Variants in NEGR1 observed in about 807,000 individuals in gnomAD.
NEGR1 encodes the protein neuronal growth regulator 1, also known as IgLON family member 4.
In NEGR1, 10 loss-of-function variants were observed where a neutral mutation model predicts 40.9. The observed-to-expected ratio is 0.24, with a 90% CI of 0.15 to 0.42. The LOEUF is 0.42. NEGR1 is among the 10% of genes least tolerant of loss of function. The pLI is 1.00. For missense variants in NEGR1, 352 were observed against 438.9 expected (o/e 0.80, Z 1.77); for synonymous variants, 185 against 166.8 (o/e 1.11, Z -0.84).
chr1:71,446,013 G>A (rs1646579780), intron 6 of NEGR1, among the ~76,000 whole-genome samples: 1 of 152,126 alleles, frequency 6.6e-6, no homozygotes, highest in Non-Finnish European at 1.5e-5. Flanking sequence ...TTAAGAAATT[G>A]TCAAAAGGAC....
In NEGR1 at chr1:71,935,224, A is replaced by G. The variant is rs1262711173; in HGVS notation, c.264T>C (p.Asp88=). 6.2e-7 allele frequency: 1 copy of G among 1,613,824 alleles called. No individual in the cohort carries two copies. Among genetic ancestry groups the G allele is most frequent in the Non-Finnish European group, 8.5e-7 (1 of 1,179,884 alleles). Residue 88 remains aspartate (D), a synonymous_variant, in exon 2 of 7, where the codon GAT becomes GAC. Transcript: ENST00000357731. The part of the protein sequence containing the change: ...IFAGGDKWSV[D]PRVSISTLNK... ...TCAATGTTGAAATTGAAACTCGAGG[A>G]TCCACTGACCACTTATCACCTCCCG...
intron 6 of NEGR1, among the ~76,000 whole-genome samples, chr1:71,506,891 A>C (rs1241462065): frequency 6.6e-6 from 1 of 152,226 alleles, no homozygotes; most frequent in Admixed American, 6.5e-5. Context: ...TAAATTACCT[A>C]ATGGCTAGTC....
chr1:71,486,352 C>T (rs1204174096), intron 6 of NEGR1: 2 of 151,254 alleles, frequency 1.3e-5, no homozygotes, highest in Non-Finnish European at 3.0e-5. Context: ...AACATTCCTT[C>T]CTCTGATGTC....
chr1:71,901,159 A>G (rs112215814), intron 2 of NEGR1, among the ~76,000 whole-genome samples: 2,322 of 152,290 alleles, frequency 0.015, 28 homozygotes, highest in Middle Eastern at 0.041. Flanking sequence ...CATTCTATCA[A>G]TGCATGATTA....
At chr1:71,585,734 T>C (rs530943146) in intron 6 of NEGR1, among the ~76,000 whole-genome samples, 1 of 150,862 alleles carries the variant, frequency 6.6e-6, no homozygotes, top group Non-Finnish European at 1.5e-5. Context: ...TGAATGCTTA[T>C]GTGCATGGCT....
chr1:72,002,010 T>G (rs576728321), intron 1 of NEGR1, among the ~76,000 whole-genome samples: 1 of 152,224 alleles, frequency 6.6e-6, no homozygotes, highest in South Asian at 2.1e-4. Context: ...AAATCAAATT[T>G]TTGCTTTTGA....
At chr1:71,698,418 A>G (rs1326284229) in intron 3 of NEGR1, among the ~76,000 whole-genome samples, 5 of 151,866 alleles carry the variant, frequency 3.3e-5, no homozygotes. Context: ...CATCAAATAG[A>G]CTCTGCACAT....
At chr1:71,485,569 A>C (rs762397996) in intron 6 of NEGR1, among the ~76,000 whole-genome samples, 69 of 151,580 alleles carry the variant, frequency 4.6e-4, no homozygotes, top group South Asian at 8.3e-4. Flanking sequence ...ATTGTCCCCA[A>C]ATTCTCTGTG....
At chr1:71,803,594 C>A (rs1657641021) in intron 2 of NEGR1, among the ~76,000 whole-genome samples, 1 of 152,140 alleles carries the variant, frequency 6.6e-6, no homozygotes, top group Admixed American at 6.6e-5. Flanking sequence ...TTTCATTTAT[C>A]TGGACTCTCC....
At chr1:71,860,569 T>C (rs763454276) in intron 2 of NEGR1, among the ~76,000 whole-genome samples, 2 of 151,942 alleles carry the variant, frequency 1.3e-5, no homozygotes, top group Non-Finnish European at 2.9e-5. Context: ...ATATTAGAAG[T>C]CAGATTATCA....
chr1:72,032,718 C>T (rs1557492838), intron 1 of NEGR1, among the ~76,000 whole-genome samples: 1 of 152,148 alleles, frequency 6.6e-6, no homozygotes, highest in South Asian at 2.1e-4. Context: ...CTCTAACATA[C>T]ATCTTCATCA....
At chr1:71,747,084 T>C (rs1487905077) in intron 3 of NEGR1, among the ~76,000 whole-genome samples, 1 of 152,210 alleles carries the variant, frequency 6.6e-6, no homozygotes, top group Non-Finnish European at 1.5e-5. Flanking sequence ...GAGGCTATCT[T>C]ACTTATGACT....
chr1:71,845,176 A>C (rs2101806173), intron 2 of NEGR1, among the ~76,000 whole-genome samples: 1 of 152,294 alleles, frequency 6.6e-6, no homozygotes, highest in South Asian at 2.1e-4. Context: ...ATTTCTACAT[A>C]GCGCTCAGAG....
intron 1 of NEGR1, among the ~76,000 whole-genome samples, chr1:71,979,427 T>G (rs1006316351): frequency 6.6e-6 from 1 of 152,022 alleles, no homozygotes; most frequent in African/African-American, 2.4e-5. Context: ...AAAATAGAAA[T>G]AATACCACTT....
chr1:71,830,706 A>C (rs551776877), intron 2 of NEGR1, among the ~76,000 whole-genome samples: 2 of 152,100 alleles, frequency 1.3e-5, no homozygotes, highest in African/African-American at 4.8e-5. Context: ...TCATTAGGAT[A>C]CTACTCGACT....
intron 2 of NEGR1, among the ~76,000 whole-genome samples, chr1:71,850,281 G>A (rs1300507004): frequency 6.6e-6 from 1 of 151,826 alleles, no homozygotes; most frequent in Non-Finnish European, 1.5e-5. Flanking sequence ...TCAGCCTCCT[G>A]AGTAGCTGGG....
At chr1:71,835,951 A>G (rs1659012966) in intron 2 of NEGR1, among the ~76,000 whole-genome samples, 1 of 152,002 alleles carries the variant, frequency 6.6e-6, no homozygotes, top group South Asian at 2.1e-4. Flanking sequence ...TGTCTTTTAT[A>G]TTTAAGTAAT....
At chr1:71,472,278 T>G (rs1208675283) in intron 6 of NEGR1, among the ~76,000 whole-genome samples, 1 of 152,124 alleles carries the variant, frequency 6.6e-6, no homozygotes, top group Non-Finnish European at 1.5e-5. Flanking sequence ...CAAAATTGTC[T>G]GACTGGCTAT....
At chr1:72,191,630 T>A (rs1430517661) in intron 1 of NEGR1, among the ~76,000 whole-genome samples, 1 of 151,922 alleles carries the variant, frequency 6.6e-6, no homozygotes, top group Non-Finnish European at 1.5e-5. Flanking sequence ...CTAGAATCCC[T>A]TTTTCTCTCA....
Sources: gnomAD v4.1 joint callset for allele counts (sites outside exome capture counted in the v4.1 genomes callset) on GRCh38, gnomAD v4.1.1 for gene constraint, MANE v1.5 for transcripts, NCBI Gene and HGNC (gene_info 2026-07-23, HGNC 2026-07-21) for gene names.